RBFOX3: variants seen among roughly 807,000 people sequenced by gnomAD.
RBFOX3 encodes RNA binding fox-1 homolog 3.
A neutral mutation model predicts 48.7 loss-of-function variants in RBFOX3; 17 were observed. That is an observed-to-expected ratio of 0.35 (90% CI 0.24 to 0.52). The LOEUF is 0.52. Among genes scored for constraint, RBFOX3 ranks in the 20% least tolerant of loss-of-function variants. The pLI is 0.94. For missense variants in RBFOX3, 382 were observed against 497.5 expected (o/e 0.77, Z 2.21); for synonymous variants, 212 against 209.5 (o/e 1.01, Z -0.10).
At chr17:79,495,778 G>A (rs1360061694) in intron 1 of RBFOX3, among the ~76,000 whole-genome samples, 1 of 151,244 alleles carries the variant, frequency 6.6e-6, no homozygotes, top group Non-Finnish European at 1.5e-5. Context: ...GGGGAGGGGT[G>A]CAGACATCCA....
rs1600045565 is a variant in RBFOX3, at chr17:79,214,394, G to A, written c.-34+21372C>T. The stretch of plus-strand genomic sequence containing the variant: ...ATTAGACAAGCCCTCCCGCCCGCAG[G>A]TCCAGCAACCAGGGAGGGTGGGGGC... On this transcript the variant is annotated intron_variant, in intron 4 of 14. Coordinates refer to ENST00000693108, the MANE Select transcript of RBFOX3 (RefSeq NM_001350451.2). The surrounding 1 kb of genome is among the most constrained non-coding windows in gnomAD (Gnocchi z 4.7). Among the ~76,000 whole-genome samples the A allele has an allele frequency of 1.3e-5, 2 of 152,310 alleles. No homozygotes were observed. The highest frequency in any genetic ancestry group is 1.9e-4 in the East Asian group (1 of 5,176).
chr17:79,245,627 G>A (rs978026849), intron 3 of RBFOX3, among the ~76,000 whole-genome samples: 1 of 109,006 alleles, frequency 9.2e-6, no homozygotes, highest in African/African-American at 3.7e-5. Flanking sequence ...GTGAACATTT[G>A]GATTTTTTTT....
At chr17:79,143,719 T>C (rs932302331) in intron 4 of RBFOX3, among the ~76,000 whole-genome samples, 3 of 152,156 alleles carry the variant, frequency 2.0e-5, no homozygotes, top group Non-Finnish European at 4.4e-5. Flanking sequence ...CCCCCACACC[T>C]GGAAGCCACT....
chr17:79,097,262 C>T (rs1264724928), intron 11 of RBFOX3, 30 bp downstream of exon 11: 1 of 1,520,886 alleles, frequency 6.6e-7, no homozygotes, highest in Non-Finnish European at 8.9e-7. Context: ...CTACCCCCTC[C>T]TCCACGCCTC....
intron 3 of RBFOX3, among the ~76,000 whole-genome samples, chr17:79,272,105 G>A (rs915502988): frequency 4.6e-5 from 7 of 152,254 alleles, no homozygotes; most frequent in African/African-American, 1.7e-4. Context: ...AGGGCGAGGG[G>A]GAGGGTGGTT....
chr17:79,211,101 T>C (rs2058321200), intron 4 of RBFOX3, among the ~76,000 whole-genome samples: 1 of 151,932 alleles, frequency 6.6e-6, no homozygotes, highest in Non-Finnish European at 1.5e-5. Context: ...ACCATGAGGG[T>C]GCCGAGTTTT....
chr17:79,548,112 T>G (rs562300829), intron 1 of RBFOX3, among the ~76,000 whole-genome samples: 1 of 152,368 alleles, frequency 6.6e-6, no homozygotes, highest in Non-Finnish European at 1.5e-5. Flanking sequence ...TAGTGTCTTC[T>G]ACCTGGGAAC....
chr17:79,407,271 G>A (rs920388862), intron 2 of RBFOX3, among the ~76,000 whole-genome samples: 1 of 152,248 alleles, frequency 6.6e-6, no homozygotes, highest in Non-Finnish European at 1.5e-5. Context: ...GCCTCCCAAA[G>A]TGCCGGGATT....
chr17:79,312,849 C>T (rs950682031), intron 2 of RBFOX3, among the ~76,000 whole-genome samples: 3 of 152,124 alleles, frequency 2.0e-5, no homozygotes, highest in Non-Finnish European at 4.4e-5. Flanking sequence ...GTAATCTCCT[C>T]GAGGGGGAGA....
chr17:79,238,954 TC>T (rs905450830), intron 3 of RBFOX3, among the ~76,000 whole-genome samples: 3 of 152,022 alleles, frequency 2.0e-5, no homozygotes, highest in Non-Finnish European at 4.4e-5. Context: ...GGCCAGGAGC[TC>T]CCCGAGCCCA....
At position 79,603,326 on chromosome 17, in the gene RBFOX3, G is replaced by A. The variant is rs909892928; in HGVS notation, c.-320+7500C>T. On this transcript the variant is annotated intron_variant, in intron 1 of 14. Transcript: ENST00000693108. ...TACTCTTGACACCCCGCTGGCAGTGGAGGCATGGGGAGAGCACACCGGGCC... is the reference window on the plus strand; with the variant it reads ...TACTCTTGACACCCCGCTGGCAGTGAAGGCATGGGGAGAGCACACCGGGCC... Among the ~76,000 whole-genome samples, 9 of 152,302 alleles carry A rather than the reference G, an allele frequency of 5.9e-5. No individual in the cohort carries two copies. The South Asian group carries it at 1.9e-3, about 32-fold the overall frequency.
intron 2 of RBFOX3, among the ~76,000 whole-genome samples, chr17:79,308,704 A>C (rs2076410328): frequency 6.6e-6 from 1 of 152,030 alleles, no homozygotes; most frequent in African/African-American, 2.4e-5. Flanking sequence ...CCTTCATAAG[A>C]GTGTCTGTCT....
At position 79,479,889 on chromosome 17, in the gene RBFOX3, A is replaced by G. The variant is rs1198091867; in HGVS notation, c.-175+2565T>C. 6.6e-6 allele frequency among the ~76,000 whole-genome samples: 1 copy of G among 152,170 alleles called. No homozygotes were observed. Among genetic ancestry groups the G allele is most frequent in the African/African-American group, 2.4e-5 (1 of 41,434 alleles). ...CTCCCCTAGGGACAGAGCTGCACGC[A>G]TCTTCTTGGAACTAGGCGTCTGAGG... On this transcript the variant is annotated intron_variant, in intron 2 of 14. Transcript: ENST00000693108. This position sits in a 1 kb window ranked among gnomAD's most constrained non-coding sequence, Gnocchi z 5.1.
At chr17:79,427,517 G>C (rs1555726199) in intron 2 of RBFOX3, among the ~76,000 whole-genome samples, 1 of 152,244 alleles carries the variant, frequency 6.6e-6, no homozygotes, top group East Asian at 1.9e-4. Flanking sequence ...CTCAGCCAGT[G>C]ATTTTGCCTT....
At chr17:79,349,791 G>C (rs1450537658) in intron 2 of RBFOX3, among the ~76,000 whole-genome samples, 1 of 151,830 alleles carries the variant, frequency 6.6e-6, no homozygotes. Context: ...TGGATCCCCA[G>C]CAGGGCCTTG....
intron 1 of RBFOX3, among the ~76,000 whole-genome samples, chr17:79,517,359 C>T (rs1442535245): frequency 3.4e-5 from 5 of 149,010 alleles, no homozygotes; most frequent in African/African-American, 4.9e-5. Context: ...GCAGGAGAAT[C>T]GCTTGAACCC....
intron 1 of RBFOX3, among the ~76,000 whole-genome samples, chr17:79,486,279 T>C (rs1330096500): frequency 6.6e-6 from 1 of 152,056 alleles, no homozygotes; most frequent in East Asian, 1.9e-4. Context: ...CAGCCTACCA[T>C]TCCCCCACTT....
intron 2 of RBFOX3, among the ~76,000 whole-genome samples, chr17:79,330,521 G>A (rs976910511): frequency 6.6e-6 from 1 of 152,114 alleles, no homozygotes; most frequent in Non-Finnish European, 1.5e-5. Context: ...TAGACGAGGG[G>A]ATATTCAGGT....
At chr17:79,153,862 G>A (rs914552950) in intron 4 of RBFOX3, among the ~76,000 whole-genome samples, 1 of 152,140 alleles carries the variant, frequency 6.6e-6, no homozygotes, top group Non-Finnish European at 1.5e-5. Context: ...ACACAGGCCT[G>A]AGCCCCGGCT....
Sources: allele counts gnomAD v4.1 joint callset (sites outside exome capture counted in the v4.1 genomes callset), GRCh38; gene constraint gnomAD v4.1.1; non-coding constraint Gnocchi (gnomAD v3.1); transcripts MANE v1.5; gene names NCBI Gene and HGNC (gene_info 2026-07-23, HGNC 2026-07-21).